The following CLSTN2 variants were observed in gnomAD, a reference collection of about 807,000 sequenced individuals.
The protein encoded by CLSTN2 is calsyntenin-2.
In CLSTN2, 48 loss-of-function variants were observed where a neutral mutation model predicts 101.2. The observed-to-expected ratio is 0.47, with a 90% CI of 0.38 to 0.60. CLSTN2 has a LOEUF of 0.60. Ranked by LOEUF, CLSTN2 falls within the 20% of genes least tolerant of loss-of-function variation. CLSTN2 has a pLI of 0.00. For synonymous variants in CLSTN2, 481 were observed against 463.6 expected (o/e 1.04, Z -0.48); for missense variants, 1,160 against 1,238.2 (o/e 0.94, Z 0.95).
intron 6 of CLSTN2, among the ~76,000 whole-genome samples, chr3:140,452,893 G>A (rs188492625): frequency 2.3e-4 from 35 of 152,322 alleles, no homozygotes; most frequent in Non-Finnish European, 3.8e-4. Context: ...TCCTAGAGAA[G>A]CAGGACCAAC....
At chr3:140,176,926 A>G (rs537571063) in intron 2 of CLSTN2, among the ~76,000 whole-genome samples, 2 of 152,128 alleles carry the variant, frequency 1.3e-5, no homozygotes, top group Non-Finnish European at 2.9e-5. Flanking sequence ...GATGAAGTCT[A>G]TTTTTTTCTG....
chr3:140,113,866 G>A (rs900081322), intron 1 of CLSTN2, among the ~76,000 whole-genome samples: 5 of 152,158 alleles, frequency 3.3e-5, no homozygotes, highest in Admixed American at 1.3e-4. Flanking sequence ...GTATATATGT[G>A]TATACGTGTG....
chr3:140,507,654 A>G (rs1169625927), intron 8 of CLSTN2: 2 of 152,126 alleles, frequency 1.3e-5, no homozygotes, highest in Non-Finnish European at 2.9e-5. Context: ...AAACTAGGTA[A>G]AATTCCTCTA....
At chr3:140,196,936 T>G (rs2010650939) in intron 2 of CLSTN2, among the ~76,000 whole-genome samples, 2 of 152,238 alleles carry the variant, frequency 1.3e-5, no homozygotes, top group South Asian at 4.1e-4. Flanking sequence ...TCCACATTTT[T>G]TATGAGTTTT....
chr3:140,329,016 T>G (rs2087356813), intron 2 of CLSTN2, among the ~76,000 whole-genome samples: 1 of 152,234 alleles, frequency 6.6e-6, no homozygotes, highest in South Asian at 2.1e-4. Context: ...TGTATGACTT[T>G]AAGCAAGTTA....
intron 2 of CLSTN2, among the ~76,000 whole-genome samples, chr3:140,212,908 G>A (rs1026497928): frequency 1.3e-5 from 2 of 152,144 alleles, no homozygotes; most frequent in Admixed American, 6.5e-5. Context: ...GTGATTGCTG[G>A]CTCTCTAGCA....
At chr3:140,171,684 TAA>T (rs2010221325) in intron 1 of CLSTN2, among the ~76,000 whole-genome samples, 2 of 7,718 alleles carry the variant, frequency 2.6e-4, no homozygotes, top group Admixed American at 6.2e-3. Flanking sequence ...GTATTATATA[TAA>T]TATATATTAA....
At chr3:140,100,761 C>A (rs62267936) in intron 1 of CLSTN2, among the ~76,000 whole-genome samples, 7 of 152,158 alleles carry the variant, frequency 4.6e-5, no homozygotes, top group Non-Finnish European at 7.3e-5. Flanking sequence ...TCTAACACGC[C>A]GGGAGACGCA....
intron 8 of CLSTN2, among the ~76,000 whole-genome samples, chr3:140,485,277 G>C (rs562385912): frequency 1.5e-3 from 234 of 152,294 alleles, no homozygotes; most frequent in African/African-American, 5.0e-3. Flanking sequence ...AGCGGATATT[G>C]GTGAACAGCA....
At chr3:140,437,991 C>A (rs1209411838) in intron 5 of CLSTN2, among the ~76,000 whole-genome samples, 2 of 152,162 alleles carry the variant, frequency 1.3e-5, no homozygotes, top group Non-Finnish European at 2.9e-5. Flanking sequence ...GGCTGCATAA[C>A]GTCCCCTTCT....
chr3:140,443,127 C>G (rs1176255717), intron 5 of CLSTN2, among the ~76,000 whole-genome samples: 1 of 152,266 alleles, frequency 6.6e-6, no homozygotes, highest in East Asian at 1.9e-4. Flanking sequence ...TATCCAGCCA[C>G]TCACTTTGTG....
At chr3:140,450,751 C>T (rs985019171) in intron 6 of CLSTN2, among the ~76,000 whole-genome samples, 2 of 152,060 alleles carry the variant, frequency 1.3e-5, no homozygotes, top group African/African-American at 4.8e-5. Context: ...CACACACAAG[C>T]ACACACACCC....
intron 1 of CLSTN2, among the ~76,000 whole-genome samples, chr3:140,014,166 G>A (rs575175127): frequency 2.0e-4 from 31 of 152,266 alleles, no homozygotes; most frequent in Admixed American, 1.9e-3. Flanking sequence ...TTGAGTTAGA[G>A]AAGTAATGTC....
intron 2 of CLSTN2, among the ~76,000 whole-genome samples, chr3:140,234,891 A>G (rs147973950): frequency 1.5e-4 from 23 of 152,178 alleles, no homozygotes; most frequent in African/African-American, 5.5e-4. Flanking sequence ...CTGTCTCTTA[A>G]TGTTCTGCAG....
chr3:140,506,170 G>GAAAGA (rs1403032681), intron 8 of CLSTN2: 13 of 152,158 alleles, frequency 8.5e-5, no homozygotes, highest in Middle Eastern at 3.2e-3. Context: ...ATCTGCCTAG[G>GAAAGA]AAAGAATGAA....
chr3:139,947,555 G>C (rs1290880488), intron 1 of CLSTN2, among the ~76,000 whole-genome samples: 1 of 152,154 alleles, frequency 6.6e-6, no homozygotes, highest in East Asian at 1.9e-4. Context: ...GCTTTTATTT[G>C]TGGGAGAATG....
At chr3:140,395,671 T>C (rs1183654556) in intron 2 of CLSTN2, among the ~76,000 whole-genome samples, 1 of 152,252 alleles carries the variant, frequency 6.6e-6, no homozygotes, top group East Asian at 1.9e-4. Flanking sequence ...ACAATATGGA[T>C]TTATTTCTAC....
intron 8 of CLSTN2, among the ~76,000 whole-genome samples, chr3:140,526,648 A>C (rs928113641): frequency 1.3e-4 from 20 of 151,996 alleles, no homozygotes; most frequent in African/African-American, 4.3e-4. Flanking sequence ...AACAACAAAA[A>C]AAAAACTGGA....
At chr3:140,092,119 G>A (rs1030044806) in intron 1 of CLSTN2, among the ~76,000 whole-genome samples, 1 of 152,182 alleles carries the variant, frequency 6.6e-6, no homozygotes, top group Non-Finnish European at 1.5e-5. Flanking sequence ...CTGGATCCTT[G>A]ATGAGACTAT....
Sources: allele counts gnomAD v4.1 joint callset (sites outside exome capture counted in the v4.1 genomes callset), GRCh38; gene constraint gnomAD v4.1.1; transcripts MANE v1.5; gene names NCBI Gene and HGNC (gene_info 2026-07-23, HGNC 2026-07-21).